The following PDE4D variants were observed in gnomAD, a reference collection of about 807,000 sequenced individuals.
PDE4D encodes phosphodiesterase 4D.
In PDE4D, 24 loss-of-function variants were observed where a neutral mutation model predicts 87.4. The ratio of observed to expected loss-of-function variants is 0.27; its 90% CI spans 0.20 to 0.39. The LOEUF is 0.39. Ranked by LOEUF, PDE4D falls within the 10% of genes least tolerant of loss-of-function variation. The pLI, the probability that PDE4D is intolerant of heterozygous loss-of-function variation, is 1.00. For missense variants in PDE4D, 714 were observed against 1,041.0 expected, an observed-to-expected ratio of 0.69 and a Z score of 4.32; for synonymous variants, 384 against 383.2, an observed-to-expected ratio of 1.00 and a Z score of -0.02.
intron 1 of PDE4D, among the ~76,000 whole-genome samples, chr5:59,426,524 C>A (rs1795236236): frequency 6.6e-6 from 1 of 152,060 alleles, no homozygotes; most frequent in Admixed American, 6.6e-5. Context: ...ACAGCTGCAT[C>A]ACCAGAAAGA....
chr5:60,436,711 C>A (rs1277085188), intron 1 of PDE4D, among the ~76,000 whole-genome samples: 1 of 152,018 alleles, frequency 6.6e-6, no homozygotes, highest in African/African-American at 2.4e-5. Context: ...TCTTCTCAGG[C>A]CACTAGGATG....
chr5:59,137,525 C>CT (rs61134818), intron 5 of PDE4D, among the ~76,000 whole-genome samples: 40,565 of 139,512 alleles, frequency 0.29, 6,021 homozygotes, highest in East Asian at 0.42. Flanking sequence ...GGGAAAGTTT[C>CT]TTTTTTTTTT....
At chr5:59,722,506 T>C (rs111577254) in intron 1 of PDE4D, among the ~76,000 whole-genome samples, 27,979 of 151,984 alleles carry the variant, frequency 0.18, 3,061 homozygotes, top group South Asian at 0.26. Context: ...TTTCCCAACT[T>C]CTGCCATTTC....
At chr5:59,792,604 G>A (rs1001049733) in intron 1 of PDE4D, among the ~76,000 whole-genome samples, 1 of 152,136 alleles carries the variant, frequency 6.6e-6, no homozygotes, top group East Asian at 1.9e-4. Context: ...AGAACGCAAG[G>A]TGGTAAAAGC....
chr5:60,253,055 T>C (rs1748651813), intron 1 of PDE4D, among the ~76,000 whole-genome samples: 1 of 151,858 alleles, frequency 6.6e-6, no homozygotes, highest in African/African-American at 2.4e-5. Context: ...CGGTCACTAT[T>C]AGTTATGGAC....
intron 6 of PDE4D, among the ~76,000 whole-genome samples, chr5:59,000,232 T>C (rs1235174537): frequency 6.6e-6 from 1 of 152,216 alleles, no homozygotes; most frequent in African/African-American, 2.4e-5. Context: ...TTCTTAAGAA[T>C]TGCCCATCCT....
chr5:59,756,337 T>A (rs1430074081), intron 1 of PDE4D, among the ~76,000 whole-genome samples: 2 of 152,088 alleles, frequency 1.3e-5, no homozygotes, highest in Non-Finnish European at 2.9e-5. Flanking sequence ...CATAGATACA[T>A]TTACACAGAT....
At chr5:59,493,012 G>T (rs1220877259) in intron 1 of PDE4D, among the ~76,000 whole-genome samples, 1 of 152,156 alleles carries the variant, frequency 6.6e-6, no homozygotes. Flanking sequence ...TGTCAAGGGT[G>T]TCTTTATCAG....
chr5:59,723,920 G>A (rs1756225570), intron 1 of PDE4D, among the ~76,000 whole-genome samples: 1 of 152,096 alleles, frequency 6.6e-6, no homozygotes, highest in Non-Finnish European at 1.5e-5. Flanking sequence ...AGGTTATGGA[G>A]CATTCATTGA....
intron 1 of PDE4D, among the ~76,000 whole-genome samples, chr5:59,850,307 G>T (rs1469955808): frequency 6.6e-6 from 1 of 151,946 alleles, no homozygotes; most frequent in African/African-American, 2.4e-5. Context: ...AGAGGGTTAC[G>T]CCAGAACCTC....
intron 1 of PDE4D, among the ~76,000 whole-genome samples, chr5:60,292,674 A>G (rs1392288109): frequency 6.6e-6 from 1 of 152,236 alleles, no homozygotes; most frequent in Non-Finnish European, 1.5e-5. Context: ...AACAAAAAGT[A>G]TATGTAAAAT....
chr5:59,346,970 G>C (rs1032428577), intron 1 of PDE4D, among the ~76,000 whole-genome samples: 1 of 152,120 alleles, frequency 6.6e-6, no homozygotes, highest in African/African-American at 2.4e-5. Flanking sequence ...AAAGCTTTTC[G>C]TCAGGTACAA....
intron 1 of PDE4D, among the ~76,000 whole-genome samples, chr5:59,470,448 C>T (rs1802272600): frequency 6.6e-6 from 1 of 152,150 alleles, no homozygotes; most frequent in Non-Finnish European, 1.5e-5. Flanking sequence ...TCAGTTCATG[C>T]TGTTGCAGAC....
intron 1 of PDE4D, among the ~76,000 whole-genome samples, chr5:59,575,591 T>C (rs906135076): frequency 6.6e-6 from 1 of 152,180 alleles, no homozygotes; most frequent in Non-Finnish European, 1.5e-5. Context: ...ATGTGGGAAT[T>C]ATTTATGCTC....
intron 1 of PDE4D, among the ~76,000 whole-genome samples, chr5:59,764,612 A>G (rs982584864): frequency 2.6e-5 from 4 of 151,798 alleles, no homozygotes; most frequent in African/African-American, 9.7e-5. Context: ...GCATATAGAA[A>G]TGAAATAACA....
intron 1 of PDE4D, among the ~76,000 whole-genome samples, chr5:60,446,672 CAA>C (rs1488203545): frequency 2.0e-5 from 3 of 152,104 alleles, no homozygotes; most frequent in South Asian, 2.1e-4. Flanking sequence ...AAAAAATACA[CAA>C]CACCGAAAGC....
chr5:60,329,441 A>G (rs1757116835), intron 1 of PDE4D, among the ~76,000 whole-genome samples: 1 of 152,142 alleles, frequency 6.6e-6, no homozygotes, highest in Admixed American at 6.5e-5. Context: ...CAGAACTGTG[A>G]GTCAATTAAA....
intron 2 of PDE4D, among the ~76,000 whole-genome samples, chr5:59,989,990 T>C (rs1301673117): frequency 1.3e-5 from 2 of 152,198 alleles, no homozygotes; most frequent in Admixed American, 6.5e-5. Flanking sequence ...ATGTGCATAG[T>C]TCATTACTTG....
chr5:58,979,707 C>A (rs1201652829), intron 11 of PDE4D, among the ~76,000 whole-genome samples: 1 of 152,122 alleles, frequency 6.6e-6, no homozygotes, highest in Non-Finnish European at 1.5e-5. Flanking sequence ...TATAAGTTAC[C>A]TCTTCCATCA....
Sources: gnomAD v4.1 joint callset for allele counts (sites outside exome capture counted in the v4.1 genomes callset) on GRCh38, gnomAD v4.1.1 for gene constraint, MANE v1.5 for transcripts, NCBI Gene and HGNC (gene_info 2026-07-23, HGNC 2026-07-21) for gene names.